The following SOX5 variants were observed in gnomAD, a reference collection of about 807,000 sequenced individuals.
SOX5 encodes SRY-box transcription factor 5.
SOX5 carries 9 observed loss-of-function variants against 92.0 expected under a neutral mutation model. The ratio of observed to expected loss-of-function variants is 0.10; its 90% CI spans 0.06 to 0.17. The LOEUF (loss-of-function observed/expected upper bound fraction) is 0.17, where lower values mean the gene tolerates loss of function less well. SOX5 is among the 10% of genes least tolerant of loss of function. The pLI is 1.00. For missense variants in SOX5, 642 were observed against 944.5 expected, an observed-to-expected ratio of 0.68 and a Z score of 4.20; for synonymous variants, 344 against 336.3, an observed-to-expected ratio of 1.02 and a Z score of -0.25.
chr12:23,653,291 GC>G (rs1566733897), intron 7 of SOX5, among the ~76,000 whole-genome samples: 2 of 151,566 alleles, frequency 1.3e-5, no homozygotes, highest in Non-Finnish European at 2.9e-5. Context: ...TGGTCTTTAG[GC>G]TTTTTTTTTC....
At chr12:24,322,091 C>A (rs1222205160) in intron 2 of SOX5, among the ~76,000 whole-genome samples, 2 of 152,048 alleles carry the variant, frequency 1.3e-5, no homozygotes, top group South Asian at 4.2e-4. Flanking sequence ...GTTTGATTCC[C>A]ATCTGTCAAC....
At chr12:24,338,199 T>A (rs906397458) in intron 2 of SOX5, among the ~76,000 whole-genome samples, 1 of 152,170 alleles carries the variant, frequency 6.6e-6, no homozygotes, top group African/African-American at 2.4e-5. Flanking sequence ...AAAAATTTAT[T>A]TTATAGCTAT....
At position 24,266,034 on chromosome 12, in the gene SOX5, A is replaced by ATGTG. The variant is rs59696898; in HGVS notation, c.-77+11178_-77+11181dup. On this transcript the variant is annotated intron_variant, in intron 3 of 4. Transcript: ENST00000446891. Reference sequence around the variant, plus strand: ...CAGGTGTATGCCATCATGCCAGCTAATGTGTGTGTGTGTGTGTGTGTGTGT... The same window carrying ATGTG: ...CAGGTGTATGCCATCATGCCAGCTAATGTGTGTGTGTGTGTGTGTGTGTGTGTGT... 9.0e-3 allele frequency among the ~76,000 whole-genome samples: 1,152 copies of ATGTG among 127,670 alleles called. 22 individuals carry two copies. Among genetic ancestry groups the ATGTG allele is most frequent in the African/African-American group, 0.03 (1,035 of 34,414 alleles). The allele number at this position is 127,670 out of a possible 152,430, so 83.8% of individuals were successfully genotyped here.
chr12:24,433,822 C>A (rs769393218), intron 1 of SOX5, among the ~76,000 whole-genome samples: 20 of 152,152 alleles, frequency 1.3e-4, no homozygotes, highest in Non-Finnish European at 2.8e-4. Flanking sequence ...GATTAGAACT[C>A]TGACAGTGCC....
intron 4 of SOX5, among the ~76,000 whole-genome samples, chr12:24,199,284 C>T (rs1171782700): frequency 1.3e-5 from 2 of 152,194 alleles, no homozygotes; most frequent in Admixed American, 1.3e-4. Flanking sequence ...TCACTTCTCA[C>T]CATTTTGCTC....
chr12:24,478,173 A>G (rs1447680246), intron 1 of SOX5, among the ~76,000 whole-genome samples: 1 of 152,232 alleles, frequency 6.6e-6, no homozygotes, highest in East Asian at 1.9e-4. Flanking sequence ...TGTGAGAATT[A>G]ATCTTGAATT....
chr12:24,235,751 T>C (rs1370757041), intron 3 of SOX5, among the ~76,000 whole-genome samples: 1 of 152,244 alleles, frequency 6.6e-6, no homozygotes, highest in Non-Finnish European at 1.5e-5. Flanking sequence ...CATAGTCAAC[T>C]TTATCTAGTT....
intron 1 of SOX5, among the ~76,000 whole-genome samples, chr12:23,936,577 T>C (rs771704631): frequency 1.3e-5 from 2 of 150,822 alleles, no homozygotes; most frequent in African/African-American, 4.8e-5. Context: ...ATTGCTACCA[T>C]ACTGAGCTAT....
At chr12:23,735,607 T>C (rs2093560874) in intron 5 of SOX5, among the ~76,000 whole-genome samples, 1 of 152,194 alleles carries the variant, frequency 6.6e-6, no homozygotes, top group Non-Finnish European at 1.5e-5. Flanking sequence ...GCCAAGTGCT[T>C]CTAAATGTGC....
intron 1 of SOX5, among the ~76,000 whole-genome samples, chr12:24,378,468 C>T (rs1957507201): frequency 6.6e-6 from 1 of 152,150 alleles, no homozygotes; most frequent in African/African-American, 2.4e-5. Flanking sequence ...GAACAAGTTC[C>T]CCTAGCTCTG....
intron 3 of SOX5, among the ~76,000 whole-genome samples, chr12:23,783,237 A>G (rs762199980): frequency 6.6e-6 from 1 of 152,200 alleles, no homozygotes; most frequent in Non-Finnish European, 1.5e-5. Flanking sequence ...TCCAATGCCT[A>G]GAACAATATT....
intron 1 of SOX5, among the ~76,000 whole-genome samples, chr12:24,370,559 A>G (rs891297534): frequency 2.6e-5 from 4 of 151,192 alleles, no homozygotes; most frequent in African/African-American, 9.7e-5. Context: ...TGGGAGGCGA[A>G]AGCAGGTGGA....
intron 1 of SOX5, among the ~76,000 whole-genome samples, chr12:23,899,161 G>T (rs565531860): frequency 1.3e-5 from 2 of 152,272 alleles, no homozygotes; most frequent in African/African-American, 2.4e-5. Flanking sequence ...TATAATCTCA[G>T]CACTTTGGGA....
chr12:23,633,699 C>A (rs1208399960), intron 8 of SOX5, among the ~76,000 whole-genome samples: 1 of 152,064 alleles, frequency 6.6e-6, no homozygotes, highest in Non-Finnish European at 1.5e-5. Context: ...TTTTGATAAA[C>A]ACATCCTTCC....
intron 4 of SOX5, among the ~76,000 whole-genome samples, chr12:24,049,458 AT>A (rs1296958427): frequency 6.6e-6 from 1 of 152,194 alleles, no homozygotes; most frequent in Non-Finnish European, 1.5e-5. Flanking sequence ...TTTTAAAACA[AT>A]TAAGAGAATT....
At chr12:23,572,954 G>A (rs1270980155) in intron 10 of SOX5, among the ~76,000 whole-genome samples, 1 of 152,064 alleles carries the variant, frequency 6.6e-6, no homozygotes, top group African/African-American at 2.4e-5. Flanking sequence ...TCTTCTTTGT[G>A]GAGATTAAAG....
At chr12:23,916,754 T>C (rs1479468842) in intron 1 of SOX5, among the ~76,000 whole-genome samples, 2 of 152,302 alleles carry the variant, frequency 1.3e-5, no homozygotes, top group East Asian at 1.9e-4. Context: ...TATCAAGGAA[T>C]GTAATATTAG....
intron 4 of SOX5, among the ~76,000 whole-genome samples, chr12:24,164,474 AATGTT>A (rs1953151142): frequency 1.3e-5 from 2 of 152,084 alleles, no homozygotes; most frequent in Admixed American, 1.3e-4. Context: ...GAAAAATAGT[AATGTT>A]GTCTATTTAA....
At chr12:23,809,052 A>T (rs1263103250) in intron 3 of SOX5, among the ~76,000 whole-genome samples, 1 of 152,166 alleles carries the variant, frequency 6.6e-6, no homozygotes, top group Admixed American at 6.5e-5. Context: ...GAGAACAGAC[A>T]TCATGTAAAT....
Sources: gnomAD v4.1 joint callset for allele counts (sites outside exome capture counted in the v4.1 genomes callset) on GRCh38, gnomAD v4.1.1 for gene constraint, MANE v1.5 for transcripts, NCBI Gene and HGNC (gene_info 2026-07-23, HGNC 2026-07-21) for gene names.